Variants in PCDHGA5 observed in about 807,000 individuals in gnomAD.
PCDHGA5 encodes the protein protocadherin gamma-A5.
A neutral mutation model predicts 56.7 loss-of-function variants in PCDHGA5; 36 were observed. The ratio of observed to expected loss-of-function variants is 0.64; its 90% CI spans 0.49 to 0.84. The LOEUF is 0.84. Ranked by LOEUF, PCDHGA5 falls within the 40% of genes least tolerant of loss-of-function variation. PCDHGA5 has a pLI of 0.00. For missense variants in PCDHGA5, 1,305 were observed against 1,201.5 expected, an observed-to-expected ratio of 1.09 and a Z score of -1.27; for synonymous variants, 563 against 520.2, an observed-to-expected ratio of 1.08 and a Z score of -1.12.
intron 1 of PCDHGA5, 108 bp from the exon 2 acceptor site, chr5:141,494,699 T>G: frequency 6.3e-7 from 1 of 1,592,240 alleles, no homozygotes; most frequent in East Asian, 2.3e-5. Context: ...GTCCGTTTTC[T>G]TCTCTGTGCC....
rs756476818 is a variant in PCDHGA5 at position 141,431,027 on chromosome 5, A to G, written c.2422-63780A>G. The G allele has an allele frequency of 6.2e-6, 10 of 1,614,034 alleles. No homozygotes were observed. The highest frequency in any genetic ancestry group is 1.1e-5 in the South Asian group (1 of 91,078). On this transcript the variant is annotated intron_variant, in intron 1 of 3. Coordinates refer to ENST00000518069, the MANE Select transcript of PCDHGA5 (RefSeq NM_018918.3). This position sits in a 1 kb window ranked among gnomAD's most constrained non-coding sequence, Gnocchi z 4.8. ...CGGCAGCTTGGTCACGGCGGGCAGG[A>G]TAGACCGGGAGGAGCTCTGTATGGG...
At chr5:141,474,087 A>C (rs1483673747) in intron 1 of PCDHGA5, among the ~76,000 whole-genome samples, 4 of 152,198 alleles carry the variant, frequency 2.6e-5, no homozygotes, top group South Asian at 2.1e-4. Context: ...AAAACCAAAA[A>C]ACAAACAACA....
At chr5:141,403,588 C>T in intron 1 of PCDHGA5, 1 of 1,613,904 alleles carries the variant, frequency 6.2e-7, no homozygotes, top group South Asian at 1.1e-5. Flanking sequence ...ACCTGGTCCT[C>T]ACGGCCTCGG....
At chr5:141,481,607 C>A (rs2099540195) in intron 1 of PCDHGA5, among the ~76,000 whole-genome samples, 1 of 152,158 alleles carries the variant, frequency 6.6e-6, no homozygotes, top group Admixed American at 6.5e-5. Flanking sequence ...CACCTGAGGC[C>A]AGGAGTTCAA....
At chr5:141,398,392 A>AGG in intron 1 of PCDHGA5, 1 of 1,456,392 alleles carries the variant, frequency 6.9e-7, no homozygotes, top group Non-Finnish European at 9.5e-7. Flanking sequence ...TGTGAGCAGC[A>AGG]GGCTAGACAG....
intron 1 of PCDHGA5, chr5:141,399,802 C>G: frequency 3.1e-6 from 5 of 1,613,252 alleles, no homozygotes; most frequent in Non-Finnish European, 3.4e-6. Flanking sequence ...ACCGCGGGTG[C>G]TGTACCCCGC....
At position 141,431,123 on chromosome 5, in the gene PCDHGA5, GAAGT is replaced by G. The variant is rs751548736; in HGVS notation, c.2422-63680_2422-63677del. The G allele has an allele frequency of 1.2e-6, 2 of 1,614,100 alleles. No individual in the cohort carries two copies. The highest frequency in any genetic ancestry group is 3.3e-5 in the Admixed American group (2 of 60,014). On this transcript the variant is annotated intron_variant, in intron 1 of 3. Transcript: ENST00000518069. This position sits in a 1 kb window ranked among gnomAD's most constrained non-coding sequence, Gnocchi z 4.8. ...AGTGAAAATATATGGAGTAGAAGTA[GAAGT>G]AAGGGACATTAACGACAATGCGCCT... is the stretch of plus-strand genomic sequence containing the variant.
At chr5:141,376,677 T>TG in intron 1 of PCDHGA5, 1 of 105,326 alleles carries the variant, frequency 9.5e-6, no homozygotes, top group Non-Finnish European at 1.5e-5. Context: ...GAGGGTATCG[T>TG]TTTTTTTTTT....
chr5:141,383,179 G>A (rs1387934089), intron 1 of PCDHGA5: 2 of 1,614,006 alleles, frequency 1.2e-6, no homozygotes, highest in Admixed American at 1.7e-5. Context: ...AGACCGGGAA[G>A]AGATCTGCGC....
At position 141,383,491 on chromosome 5, in the gene PCDHGA5, C is replaced by A. The variant is rs116533786; in HGVS notation, c.2421+16740C>A. ...TAAGTACCCGGAACTGGTGCTGGAG[C>A]GGGTGCTGGACCGGGAGGAAGAGCG... On this transcript the variant is annotated intron_variant, in intron 1 of 3. Transcript: ENST00000518069. 4.5e-4 allele frequency: 731 copies of A among 1,613,114 alleles called. 6 individuals are homozygous for A. In the African/African-American group the frequency reaches 7.9e-3, roughly 17 times the overall value.
At chr5:141,409,769 G>T (rs1413636372) in intron 1 of PCDHGA5, 3 of 1,612,776 alleles carry the variant, frequency 1.9e-6, no homozygotes, top group Middle Eastern at 1.7e-4. Flanking sequence ...CTTTGATCAC[G>T]AGCAGCTGCG....
intron 1 of PCDHGA5, among the ~76,000 whole-genome samples, chr5:141,437,686 G>A (rs1025629140): frequency 2.6e-5 from 4 of 151,740 alleles, no homozygotes; most frequent in African/African-American, 9.7e-5. Flanking sequence ...AACTGATGAG[G>A]CTAAATCTCA....
intron 1 of PCDHGA5, among the ~76,000 whole-genome samples, chr5:141,380,518 T>C (rs1166161347): frequency 1.3e-5 from 2 of 152,254 alleles, no homozygotes; most frequent in African/African-American, 2.4e-5. Context: ...CTTTAAACTA[T>C]GAAATGATTT....
At chr5:141,497,776 C>A (rs1384125562) in intron 2 of PCDHGA5, among the ~76,000 whole-genome samples, 2 of 152,170 alleles carry the variant, frequency 1.3e-5, no homozygotes. Flanking sequence ...CCGACCTCAA[C>A]TGATCCACCT....
rs767577725 is a variant in PCDHGA5, at chr5:141,485,642, G to C, written c.2422-9165G>C. On this transcript the variant is annotated intron_variant, in intron 1 of 3. Transcript: ENST00000518069. This position sits in a 1 kb window ranked among gnomAD's most constrained non-coding sequence, Gnocchi z 5.7. ...AGGACAGCGTTTCCCGTTGGAAAAGGCTCAGGATGCAGATGTGGGGAGCAA... is the reference window on the plus strand; with the variant it reads ...AGGACAGCGTTTCCCGTTGGAAAAGCCTCAGGATGCAGATGTGGGGAGCAA... 2 of 1,612,044 alleles carry C rather than the reference G, an allele frequency of 1.2e-6. No individual in the cohort carries two copies. The highest frequency in any genetic ancestry group is 8.5e-7 in the Non-Finnish European group (1 of 1,178,592).
At chr5:141,376,250 C>T (rs777637519) in intron 1 of PCDHGA5, 13 of 1,614,128 alleles carry the variant, frequency 8.1e-6, no homozygotes, top group African/African-American at 8.0e-5. Flanking sequence ...GCACAAGTCA[C>T]GCCTGCTGCA....
chr5:141,368,392 C>T (rs978574831), intron 1 of PCDHGA5, among the ~76,000 whole-genome samples: 2 of 152,084 alleles, frequency 1.3e-5, no homozygotes, highest in African/African-American at 4.8e-5. Context: ...TACACACACA[C>T]AAACACACAT....
At chr5:141,376,417 G>T (rs750081761) in intron 1 of PCDHGA5, 2 of 1,614,148 alleles carry the variant, frequency 1.2e-6, no homozygotes, top group South Asian at 1.1e-5. Flanking sequence ...ATGCCGACAC[G>T]CTTATCAACC....
At chr5:141,397,896 C>G (rs371654961) in intron 1 of PCDHGA5, 48 of 650,728 alleles carry the variant, frequency 7.4e-5, no homozygotes, top group African/African-American at 2.0e-4. Flanking sequence ...GGCCAAAGTG[C>G]AGAGCTTGGC....
Sources: allele counts gnomAD v4.1 joint callset (sites outside exome capture counted in the v4.1 genomes callset), GRCh38; gene constraint gnomAD v4.1.1; non-coding constraint Gnocchi (gnomAD v3.1); transcripts MANE v1.5; gene names NCBI Gene and HGNC (gene_info 2026-07-23, HGNC 2026-07-21).